Variants in YARS1 observed in about 807,000 individuals in gnomAD.
YARS1 encodes tyrosine--tRNA ligase, cytoplasmic.
YARS1 carries 36 observed loss-of-function variants against 62.2 expected under a neutral mutation model. That is an observed-to-expected ratio of 0.58 (90% CI 0.44 to 0.76). YARS1 has a LOEUF of 0.76. Ranked by LOEUF, YARS1 falls within the 30% of genes least tolerant of loss-of-function variation. YARS1 has a pLI of 0.00. For synonymous variants in YARS1, 234 were observed against 244.9 expected (o/e 0.96, Z 0.42); for missense variants, 524 against 639.8 (o/e 0.82, Z 1.95).
intron 8 of YARS1, among the ~76,000 whole-genome samples, chr1:32,785,890 C>CTTTTTTTTTTTTTTTTTTTTTTTTTT (rs11344284): frequency 6.8e-6 from 1 of 146,430 alleles, no homozygotes. Flanking sequence ...AGCCCATTTT[C>CTTTTTTTTTTTTTTTTTTTTTTTTTT]TTTTTTTTTT....
In YARS1 at chr1:32,779,432, GGCCCTTTTCATAGCCCTT is replaced by G. The variant is rs755595704; in HGVS notation, c.1408_1425del (p.Lys470_Gly475del). On this transcript the variant is annotated inframe_deletion, in exon 12 of 13. Coordinates refer to ENST00000373477, the MANE Select transcript of YARS1 (RefSeq NM_003680.4). ...TTGGGCTTGAGCTCCTCATCTGGTT[GGCCCTTTTCATAGCCCTT>G]CACAAACACGTGCTCACCAGGAGCA... 2.2e-5 allele frequency: 36 copies of G among 1,614,202 alleles called. No individual in the cohort carries two copies. The highest frequency in any genetic ancestry group is 3.1e-5 in the Non-Finnish European group (36 of 1,180,030).
rs945429022 is a variant in YARS1, at chr1:32,817,285, G to C, written c.-41C>G. On this transcript the variant is annotated 5_prime_UTR_variant, in exon 1 of 13. Transcript: ENST00000373477. ...GCTTCCCCCGCTCAGCCCGGCACCA[G>C]AGCCCCTTCCTGGGTCACCGTCGCC... 6.2e-7 allele frequency: 1 copy of C among 1,612,168 alleles called. No homozygotes were observed. Among genetic ancestry groups the C allele is most frequent in the Non-Finnish European group, 8.5e-7 (1 of 1,179,332 alleles).
chr1:32,817,273 A>G lies in YARS1; in HGVS notation c.-29T>C. 1 of 1,613,488 alleles carries G rather than the reference A, an allele frequency of 6.2e-7. No individual in the cohort carries two copies. Among genetic ancestry groups the G allele is most frequent in the Non-Finnish European group, 8.5e-7 (1 of 1,179,848 alleles). ...TCCGCTACCCCTGCTTCCCCCGCTCAGCCCGGCACCAGAGCCCCTTCCTGG... is the reference window on the plus strand; with the variant it reads ...TCCGCTACCCCTGCTTCCCCCGCTCGGCCCGGCACCAGAGCCCCTTCCTGG... On this transcript the variant is annotated 5_prime_UTR_variant, in exon 1 of 13. Transcript: ENST00000373477.
Position 32,782,388 on chromosome 1 carries a change from C to T in YARS1, c.1042+16G>A. On this transcript the variant is annotated intron_variant, in intron 9 of 12. Transcript: ENST00000373477. The stretch of plus-strand genomic sequence containing the variant: ...CTCTCTCCTGATGATGTCGGCCCCT[C>T]TCCAGCTGGCCTTACTCTGCTTTGA... The T allele has an allele frequency of 6.2e-7, 1 of 1,613,976 alleles. No individual in the cohort carries two copies. Among genetic ancestry groups the T allele is most frequent in the Admixed American group, 1.7e-5 (1 of 60,014 alleles).
intron 3 of YARS1, among the ~76,000 whole-genome samples, chr1:32,807,227 G>A (rs1237208349): frequency 6.6e-6 from 1 of 152,154 alleles, no homozygotes; most frequent in Non-Finnish European, 1.5e-5. Flanking sequence ...TAGAATTTAA[G>A]ATAGTACTTT....
Position 32,810,582 on chromosome 1 carries a change from A to T in YARS1, c.380+9T>A. 1 of 1,612,554 alleles carries T rather than the reference A, an allele frequency of 6.2e-7. No homozygotes were observed. Among genetic ancestry groups the T allele is most frequent in the Non-Finnish European group, 8.5e-7 (1 of 1,180,028 alleles). On this transcript the variant is annotated intron_variant, in intron 3 of 12. Coordinates refer to ENST00000373477, the MANE Select transcript of YARS1 (RefSeq NM_003680.4). Reference sequence around the variant, plus strand: ...GAGCCACAAGGAGGGTGGATGATCAAGCACTTACTTGCTGAGCTGGTAATC... The same window carrying T: ...GAGCCACAAGGAGGGTGGATGATCATGCACTTACTTGCTGAGCTGGTAATC...
At chr1:32,781,801 A>C (rs1158749264) in intron 9 of YARS1, 1 of 162,270 alleles carries the variant, frequency 6.2e-6, no homozygotes, top group Non-Finnish European at 1.3e-5. Flanking sequence ...AATAGGTCTA[A>C]TCTAATTTCT....
At chr1:32,795,617 C>A (rs1165189404) in intron 5 of YARS1, among the ~76,000 whole-genome samples, 1 of 151,592 alleles carries the variant, frequency 6.6e-6, no homozygotes, top group East Asian at 2.0e-4. Context: ...CCATTCCTGG[C>A]CAACATGGTG....
At chr1:32,805,114 G>C (rs1287665702) in intron 4 of YARS1, among the ~76,000 whole-genome samples, 2 of 151,978 alleles carry the variant, frequency 1.3e-5, no homozygotes, top group African/African-American at 2.4e-5. Flanking sequence ...TGCAATCCCA[G>C]GCACTCGGCA....
At chr1:32,804,030 CAT>C (rs1482603413) in intron 4 of YARS1, among the ~76,000 whole-genome samples, 5 of 152,150 alleles carry the variant, frequency 3.3e-5, no homozygotes, top group African/African-American at 9.7e-5. Context: ...GGACACAGCA[CAT>C]GTTTCAGAGA....
chr1:32,816,338 G>C (rs1202051192), intron 1 of YARS1, among the ~76,000 whole-genome samples: 1 of 152,080 alleles, frequency 6.6e-6, no homozygotes, highest in East Asian at 1.9e-4. Flanking sequence ...CCGTGACTTG[G>C]TCCCTGCCTA....
rs759870198 is a variant in YARS1 at position 32,780,188 on chromosome 1, G to T, written c.1231C>A (p.Pro411Thr). 1 of 1,614,124 alleles carries T rather than the reference G, an allele frequency of 6.2e-7. No individual in the cohort carries two copies. Among genetic ancestry groups the T allele is most frequent in the Non-Finnish European group, 8.5e-7 (1 of 1,180,036 alleles). Residue 411 changes from proline (P) to threonine (T), a missense_variant, in exon 11 of 13, where the codon CCC becomes ACC. By Grantham distance (38) the Pro-to-Thr change is conservative. Transcript: ENST00000373477. Reference sequence around the variant, plus strand: ...AGCCTGTCCTGCAGTTCCTCCTTGGGCACGAACTGTACCAGGCCGCTCACC... The same window carrying T: ...AGCCTGTCCTGCAGTTCCTCCTTGGTCACGAACTGTACCAGGCCGCTCACC... ...TVVSGLVQFV[P>T]KEELQDRLVV...
intron 1 of YARS1, chr1:32,816,796 G>A: frequency 3.5e-6 from 1 of 285,442 alleles, no homozygotes; most frequent in Non-Finnish European, 6.8e-6. Flanking sequence ...TCCCAGTATA[G>A]CATCTTCCAG....
rs180919482 is a variant in YARS1, at chr1:32,796,684, C to T, written c.591+1079G>A. ...GGCCCTCAAAAAATTTATATTGTGG[C>T]TGGGTGCAGTGGCTCACACCTGTAA... is the stretch of plus-strand genomic sequence containing the variant. On this transcript the variant is annotated intron_variant, in intron 5 of 12. Transcript: ENST00000373477. 2.9e-3 allele frequency among the ~76,000 whole-genome samples: 447 copies of T among 151,900 alleles called. 2 individuals are homozygous for T. Among genetic ancestry groups the T allele is most frequent in the Middle Eastern group, 0.01 (3 of 294 alleles).
rs1437626634 is a variant in YARS1 at position 32,791,271 on chromosome 1, A to G, written c.592-17T>C. ...AGGGAGGTACTGAGAGATTAGAGAA[A>G]CACACAAAAGCCGATATTAGTCTAA... On this transcript the variant is annotated splice_polypyrimidine_tract_variant and intron_variant, in intron 5 of 12. Coordinates refer to ENST00000373477, the MANE Select transcript of YARS1 (RefSeq NM_003680.4). The G allele has an allele frequency of 2.5e-6, 4 of 1,607,364 alleles. No individual in the cohort carries two copies. The highest frequency in any genetic ancestry group is 3.4e-6 in the Non-Finnish European group (4 of 1,173,834).
At chr1:32,785,329 T>C (rs888259641) in intron 8 of YARS1, among the ~76,000 whole-genome samples, 23 of 151,412 alleles carry the variant, frequency 1.5e-4, no homozygotes, top group Admixed American at 2.6e-4. Context: ...GGTGTGGTGG[T>C]GGGCACCTGT....
At chr1:32,783,917 CA>C (rs1653137976) in intron 8 of YARS1, among the ~76,000 whole-genome samples, 2 of 152,156 alleles carry the variant, frequency 1.3e-5, no homozygotes, top group African/African-American at 4.8e-5. Context: ...ACAGATAGGA[CA>C]TATCCATCAC....
chr1:32,805,111 C>T (rs1333727485), intron 4 of YARS1, among the ~76,000 whole-genome samples: 1 of 151,926 alleles, frequency 6.6e-6, no homozygotes, highest in Non-Finnish European at 1.5e-5. Flanking sequence ...GCCTGCAATC[C>T]CAGGCACTCG....
chr1:32,781,467 C>G (rs567694793), intron 9 of YARS1: 2 of 346,886 alleles, frequency 5.8e-6, no homozygotes, highest in African/African-American at 4.3e-5. Context: ...ACCTGTAATT[C>G]TAGCACTTTG....
Sources: allele counts gnomAD v4.1 joint callset (sites outside exome capture counted in the v4.1 genomes callset), GRCh38; gene constraint gnomAD v4.1.1; transcripts MANE v1.5; gene names NCBI Gene and HGNC (gene_info 2026-07-23, HGNC 2026-07-21).